MAST4: variants seen among roughly 807,000 people sequenced by gnomAD.
MAST4 encodes the protein microtubule-associated serine/threonine-protein kinase 4.
A neutral mutation model predicts 162.7 loss-of-function variants in MAST4; 89 were observed. The observed-to-expected ratio is 0.55, with a 90% CI of 0.46 to 0.65. The LOEUF is 0.65. MAST4 is among the 30% of genes least tolerant of loss of function. MAST4 has a pLI of 0.00. For synonymous variants in MAST4, 1,479 were observed against 1,361.1 expected (o/e 1.09, Z -1.91); for missense variants, 3,153 against 3,374.0 (o/e 0.93, Z 1.62).
At chr5:66,711,251 G>A (rs1392954952) in intron 1 of MAST4, among the ~76,000 whole-genome samples, 1 of 152,114 alleles carries the variant, frequency 6.6e-6, no homozygotes, top group Non-Finnish European at 1.5e-5. Flanking sequence ...GACAAACTTA[G>A]TGGCTTAAGG....
intron 3 of MAST4, among the ~76,000 whole-genome samples, chr5:66,798,302 G>A (rs995453571): frequency 6.6e-6 from 1 of 152,098 alleles, no homozygotes; most frequent in Non-Finnish European, 1.5e-5. Context: ...GGGTACATCA[G>A]CTTCCATTAA....
At chr5:66,756,865 A>G (rs1437952547) in intron 1 of MAST4, among the ~76,000 whole-genome samples, 1 of 152,168 alleles carries the variant, frequency 6.6e-6, no homozygotes, top group Non-Finnish European at 1.5e-5. Context: ...TTCTGCTCAT[A>G]CTGTGCCTGA....
At chr5:66,988,508 T>TAACAATTCTGAC (rs1749748612) in intron 4 of MAST4, among the ~76,000 whole-genome samples, 1 of 152,226 alleles carries the variant, frequency 6.6e-6, no homozygotes, top group East Asian at 1.9e-4. Context: ...AGACACTGTT[T>TAACAATTCTGAC]TAAATACTTT....
At chr5:67,075,161 GTTTTTT>G (rs35184662) in intron 5 of MAST4, among the ~76,000 whole-genome samples, 1 of 128,160 alleles carries the variant, frequency 7.8e-6, no homozygotes, top group Non-Finnish European at 1.6e-5. Flanking sequence ...ATTGGAATGA[GTTTTTT>G]TTTTTTTTTT....
rs572223726 is a variant in MAST4 at position 66,835,841 on chromosome 5, A to G, written c.642+47047A>G. 4.6e-5 allele frequency among the ~76,000 whole-genome samples: 7 copies of G among 152,302 alleles called. No individual in the cohort carries two copies. The East Asian group carries it at 1.4e-3, about 29-fold the overall frequency. ...GACATGGAGATTCAGAGTCGTCAAG[A>G]AACTTAACACAAAATTGCCTTCATT... On this transcript the variant is annotated intron_variant, in intron 3 of 28. Transcript: ENST00000403625.
chr5:66,831,939 C>T (rs186334372), intron 3 of MAST4, among the ~76,000 whole-genome samples: 28 of 152,232 alleles, frequency 1.8e-4, no homozygotes, highest in East Asian at 1.5e-3. Context: ...ATTCCTCATA[C>T]GTGGATCATA....
chr5:66,827,669 G>T (rs138219957), intron 3 of MAST4, among the ~76,000 whole-genome samples: 77 of 152,278 alleles, frequency 5.1e-4, no homozygotes, highest in African/African-American at 1.6e-3. Context: ...GTAAAATCCA[G>T]GAGTTAGTGA....
chr5:66,788,650 C>T lies in MAST4; in HGVS notation c.518-20C>T, dbSNP rs1243427453. 1 of 1,313,360 alleles carries T rather than the reference C, an allele frequency of 7.6e-7. No homozygotes were observed. Among genetic ancestry groups the T allele is most frequent in the Non-Finnish European group, 1.0e-6 (1 of 989,442 alleles). 81.4% of individuals were successfully genotyped at this position (1,313,360 alleles called of 1,614,324 possible). A position where few individuals can be genotyped will look rare whatever the true frequency, so the allele number is the denominator to read the frequency against. On this transcript the variant is annotated intron_variant, in intron 2 of 28. Transcript: ENST00000403625. The stretch of plus-strand genomic sequence containing the variant: ...ACCGGCTGCCTGTCACTTACATTTT[C>T]TTCTCTTTAACTCCAACAGGGAGGT...
chr5:66,754,655 AG>A, intron 1 of MAST4, among the ~76,000 whole-genome samples: 1 of 152,340 alleles, frequency 6.6e-6, no homozygotes, highest in East Asian at 1.9e-4. Flanking sequence ...CTAGGGATAC[AG>A]CAGTGGACAA....
chr5:66,671,863 A>G (rs1398134950), intron 1 of MAST4, among the ~76,000 whole-genome samples: 1 of 152,140 alleles, frequency 6.6e-6, no homozygotes, highest in Non-Finnish European at 1.5e-5. Context: ...TCATTATCCT[A>G]GATTGTGGTG....
At chr5:66,753,317 A>T (rs1753308373) in intron 1 of MAST4, among the ~76,000 whole-genome samples, 1 of 152,132 alleles carries the variant, frequency 6.6e-6, no homozygotes, top group African/African-American at 2.4e-5. Context: ...GAACTGAAGG[A>T]AATAGAGACA....
intron 14 of MAST4, among the ~76,000 whole-genome samples, chr5:67,122,803 T>C (rs1188980806): frequency 2.6e-5 from 4 of 152,168 alleles, no homozygotes; most frequent in African/African-American, 9.7e-5. Context: ...GTATAGTAGA[T>C]GAGGTATATC....
intron 4 of MAST4, among the ~76,000 whole-genome samples, chr5:66,914,544 G>C (rs76545059): frequency 0.032 from 4,852 of 151,958 alleles, 285 homozygotes; most frequent in African/African-American, 0.11. Context: ...TTAGCATAGA[G>C]AGGGGGTAGA....
chr5:66,882,197 G>T (rs1761734830), intron 3 of MAST4, among the ~76,000 whole-genome samples: 1 of 152,126 alleles, frequency 6.6e-6, no homozygotes, highest in Non-Finnish European at 1.5e-5. Context: ...ATTTGCCTCT[G>T]ATGCGCCCAA....
chr5:67,134,670 T>C lies in MAST4; in HGVS notation c.2374T>C (p.Phe792Leu). The change falls in exon 18 of 29, where the codon TTT (phenylalanine) becomes CTT (leucine). Residue 792 changes from phenylalanine to leucine, a missense_variant. Transcript: ENST00000403625. The stretch of plus-strand genomic sequence containing the variant: ...CTTTGGGGATACTCCAGAGGAGCTA[T>C]TTGGACAAGTCATCAGTGGTAAATA... The part of the protein sequence containing the change: ...PFFGDTPEEL[F>L]GQVISDEINW... 6.2e-7 allele frequency: 1 copy of C among 1,613,172 alleles called. No individual in the cohort carries two copies. Among genetic ancestry groups the C allele is most frequent in the Non-Finnish European group, 8.5e-7 (1 of 1,179,376 alleles).
chr5:66,737,001 A>G (rs1752194145), intron 1 of MAST4, among the ~76,000 whole-genome samples: 1 of 152,244 alleles, frequency 6.6e-6, no homozygotes, highest in Non-Finnish European at 1.5e-5. Context: ...TAATTTGTAT[A>G]ACATATGCAT....
At chr5:67,055,888 T>C (rs930853845) in intron 5 of MAST4, among the ~76,000 whole-genome samples, 1 of 152,000 alleles carries the variant, frequency 6.6e-6, no homozygotes, top group African/African-American at 2.4e-5. Flanking sequence ...TACTCAGATT[T>C]GCGTGGATGA....
chr5:67,011,812 GC>G (rs1274240029), intron 4 of MAST4, among the ~76,000 whole-genome samples: 2 of 152,196 alleles, frequency 1.3e-5, no homozygotes, highest in Non-Finnish European at 1.5e-5. Flanking sequence ...AGACTGTTTT[GC>G]CCCTGGAATA....
In MAST4 at chr5:67,166,805, C is replaced by T. The variant is rs764979550; in HGVS notation, c.7626C>T (p.Gly2542=). 19 of 1,603,158 alleles carry T rather than the reference C, an allele frequency of 1.2e-5. No individual in the cohort carries two copies. Among genetic ancestry groups the T allele is most frequent in the Admixed American group, 1.7e-5 (1 of 58,488 alleles). The stretch of plus-strand genomic sequence containing the variant: ...ACCACCCCGACCCAAACACCATGGG[C>T]GGGGCCAGCCACCGGGACAGGGCTC... ...ESHHPDPNTM[G]GASHRDRALS... is the part of the protein sequence containing the mutation. The change falls in exon 29 of 29, where the codon GGC becomes GGT. Residue 2542 remains glycine, a synonymous_variant. Transcript: ENST00000403625.
Sources: allele counts gnomAD v4.1 joint callset (sites outside exome capture counted in the v4.1 genomes callset), GRCh38; gene constraint gnomAD v4.1.1; transcripts MANE v1.5; gene names NCBI Gene and HGNC (gene_info 2026-07-23, HGNC 2026-07-21).